GRIN2B: variants seen among roughly 807,000 people sequenced by gnomAD.
GRIN2B encodes the protein glutamate receptor ionotropic, NMDA 2B.
A neutral mutation model predicts 114.5 loss-of-function variants in GRIN2B; 5 were observed. The observed-to-expected ratio is 0.04, with a 90% CI of 0.02 to 0.09. The LOEUF (loss-of-function observed/expected upper bound fraction) is 0.09, where lower values mean the gene tolerates loss of function less well. Ranked by LOEUF, GRIN2B falls within the 10% of genes least tolerant of loss-of-function variation. GRIN2B has a pLI of 1.00. For synonymous variants in GRIN2B, 787 were observed against 745.1 expected, an observed-to-expected ratio of 1.06 and a Z score of -0.92; for missense variants, 1,108 against 1,943.5, an observed-to-expected ratio of 0.57 and a Z score of 8.08.
intron 4 of GRIN2B, among the ~76,000 whole-genome samples, chr12:13,676,916 T>G (rs901346532): frequency 3.3e-5 from 5 of 152,104 alleles, no homozygotes; most frequent in African/African-American, 1.2e-4. Context: ...TACTTGTGCA[T>G]AGATTAGCAG....
chr12:13,626,104 T>G (rs1235716906), intron 5 of GRIN2B, among the ~76,000 whole-genome samples: 1 of 151,906 alleles, frequency 6.6e-6, no homozygotes. Context: ...GCTCAATCAG[T>G]GAGAACCGAG....
intron 4 of GRIN2B, among the ~76,000 whole-genome samples, chr12:13,688,309 C>A (rs780831760): frequency 2.0e-5 from 3 of 152,136 alleles, no homozygotes; most frequent in African/African-American, 7.2e-5. Context: ...TATACACCAA[C>A]CAGTGGTCCA....
intron 3 of GRIN2B, among the ~76,000 whole-genome samples, chr12:13,765,452 G>T (rs1863763867): frequency 6.6e-6 from 1 of 152,078 alleles, no homozygotes; most frequent in African/African-American, 2.4e-5. Context: ...AAGCTCTTTG[G>T]GTCTCATGCT....
intron 5 of GRIN2B, among the ~76,000 whole-genome samples, chr12:13,618,815 A>G (rs1268031069): frequency 6.6e-6 from 1 of 152,242 alleles, no homozygotes; most frequent in Non-Finnish European, 1.5e-5. Context: ...AATCAGGAAC[A>G]CTTTGCAACG....
intron 3 of GRIN2B, among the ~76,000 whole-genome samples, chr12:13,762,762 T>G: frequency 6.6e-6 from 1 of 152,096 alleles, no homozygotes; most frequent in East Asian, 1.9e-4. Flanking sequence ...CCATATGGAG[T>G]GAGAGACTAG....
intron 3 of GRIN2B, among the ~76,000 whole-genome samples, chr12:13,770,103 C>A (rs1863877383): frequency 6.6e-6 from 1 of 152,210 alleles, no homozygotes; most frequent in African/African-American, 2.4e-5. Flanking sequence ...TCTCAAGTAC[C>A]TTATCAGTGG....
At position 13,540,936 on chromosome 12, in the gene GRIN2B, G is replaced by C. The variant is rs905479540; in HGVS notation, c.*21847C>G. ...TCCCCTCTGCCATGTGACTTTGGGAGGGGTGCAGCTGTGAATTTGCAACGC... is the reference window on the plus strand; with the variant it reads ...TCCCCTCTGCCATGTGACTTTGGGACGGGTGCAGCTGTGAATTTGCAACGC... On this transcript the variant is annotated 3_prime_UTR_variant, in exon 14 of 14. Coordinates refer to ENST00000609686, the MANE Select transcript of GRIN2B (RefSeq NM_000834.5). 6.6e-6 allele frequency: 1 copy of C among 152,220 alleles called. No individual in the cohort carries two copies. The highest frequency in any genetic ancestry group is 1.5e-5 in the Non-Finnish European group (1 of 68,076). 9.4% of individuals were successfully genotyped at this position (152,220 alleles called of 1,614,324 possible). A position where few individuals can be genotyped will look rare whatever the true frequency, so the allele number is the denominator to read the frequency against.
intron 3 of GRIN2B, among the ~76,000 whole-genome samples, chr12:13,852,786 G>A (rs751959131): frequency 6.6e-6 from 1 of 151,148 alleles, no homozygotes; most frequent in Admixed American, 6.6e-5. Flanking sequence ...ATGGCTCCAT[G>A]GCATATGCTC....
intron 10 of GRIN2B, among the ~76,000 whole-genome samples, chr12:13,598,382 C>T (rs553424862): frequency 6.6e-6 from 1 of 152,282 alleles, no homozygotes; most frequent in South Asian, 2.1e-4. Context: ...CATATGGCCT[C>T]ATCTGGTCTT....
At chr12:13,660,787 A>C (rs1164237547) in intron 5 of GRIN2B, among the ~76,000 whole-genome samples, 1 of 152,170 alleles carries the variant, frequency 6.6e-6, no homozygotes, top group Non-Finnish European at 1.5e-5. Context: ...TACACGTGTA[A>C]TTATTGTCAT....
chr12:13,633,004 CTG>C (rs1332861838), intron 5 of GRIN2B, among the ~76,000 whole-genome samples: 3 of 152,186 alleles, frequency 2.0e-5, no homozygotes, highest in Non-Finnish European at 4.4e-5. Context: ...AAAAGAGAGA[CTG>C]TGTGGGTCCC....
intron 3 of GRIN2B, among the ~76,000 whole-genome samples, chr12:13,798,217 G>C (rs938449478): frequency 1.3e-5 from 2 of 151,958 alleles, no homozygotes; most frequent in African/African-American, 4.8e-5. Flanking sequence ...GTTTGAAATG[G>C]CTTTTGTGTG....
rs11355806 is a variant in GRIN2B, at chr12:13,937,096, A to G, written c.-19+42832T>C. Among the ~76,000 whole-genome samples the G allele has an allele frequency of 9.5e-3, 1,217 of 128,670 alleles. 20 individuals are homozygous for G. Among genetic ancestry groups the G allele is most frequent in the African/African-American group, 0.032 (1,114 of 34,548 alleles). The allele number at this position is 128,670 out of a possible 152,430, so 84.4% of individuals were successfully genotyped here. On this transcript the variant is annotated intron_variant, in intron 2 of 13. Transcript: ENST00000609686. ...AACAGCACAGAAATAAAAAAAAAAAAGGGGGGGGGGAAGATTGAAGAAAAA... is the reference window on the plus strand; with the variant it reads ...AACAGCACAGAAATAAAAAAAAAAAGGGGGGGGGGGAAGATTGAAGAAAAA...
At chr12:13,718,634 T>C (rs1950480207) in intron 4 of GRIN2B, among the ~76,000 whole-genome samples, 1 of 152,058 alleles carries the variant, frequency 6.6e-6, no homozygotes, top group African/African-American at 2.4e-5. Flanking sequence ...AACTATAATG[T>C]TGCCTTGCAC....
At chr12:13,802,997 C>T (rs1449177201) in intron 3 of GRIN2B, among the ~76,000 whole-genome samples, 2 of 152,058 alleles carry the variant, frequency 1.3e-5, no homozygotes, top group South Asian at 2.1e-4. Flanking sequence ...CTCTTCTCTT[C>T]CTCCTCCTCC....
At chr12:13,798,411 A>G (rs1011337756) in intron 3 of GRIN2B, among the ~76,000 whole-genome samples, 2 of 152,160 alleles carry the variant, frequency 1.3e-5, no homozygotes, top group Non-Finnish European at 2.9e-5. Context: ...TAACTAGCTC[A>G]TTAACCTTGG....
At position 13,576,546 on chromosome 12, in the gene GRIN2B, CTTTTTTCT is replaced by C. The variant is rs1252035127; in HGVS notation, c.2011-4590_2011-4583del. On this transcript the variant is annotated intron_variant, in intron 10 of 13. Coordinates refer to ENST00000609686, the MANE Select transcript of GRIN2B (RefSeq NM_000834.5). ...TATAGTACTCTTTATTTTCTTTTTT[CTTTTTTCT>C]TTTTTTTTTTGAAACAGAGTCTCAC... 1.1e-4 allele frequency among the ~76,000 whole-genome samples: 17 copies of C among 148,436 alleles called. No individual in the cohort carries two copies. The East Asian group carries it at 2.9e-3, about 25-fold the overall frequency.
At chr12:13,582,802 C>T (rs1171511014) in intron 10 of GRIN2B, among the ~76,000 whole-genome samples, 1 of 152,150 alleles carries the variant, frequency 6.6e-6, no homozygotes, top group African/African-American at 2.4e-5. Context: ...GGAGCCGAAA[C>T]AAAAGCTTGC....
At chr12:13,897,771 T>C (rs1866376812) in intron 2 of GRIN2B, among the ~76,000 whole-genome samples, 2 of 152,200 alleles carry the variant, frequency 1.3e-5, no homozygotes, top group Middle Eastern at 3.4e-3. Context: ...GATGGATGAA[T>C]AGATATTTAG....
Sources: allele counts gnomAD v4.1 joint callset (sites outside exome capture counted in the v4.1 genomes callset), GRCh38; gene constraint gnomAD v4.1.1; transcripts MANE v1.5; gene names NCBI Gene and HGNC (gene_info 2026-07-23, HGNC 2026-07-21).